TMTC2: variants seen among roughly 807,000 people sequenced by gnomAD.
TMTC2 encodes the protein protein O-mannosyl-transferase TMTC2.
A neutral mutation model predicts 82.4 loss-of-function variants in TMTC2; 43 were observed. The ratio of observed to expected loss-of-function variants is 0.52; its 90% CI spans 0.41 to 0.67. TMTC2 has a LOEUF of 0.67. Among genes scored for constraint, TMTC2 ranks in the 30% least tolerant of loss-of-function variants. The probability of loss-of-function intolerance (pLI) is 0.00; values close to 1 mark genes in which losing one functional copy is unlikely to be tolerated. For missense variants in TMTC2, 919 were observed against 1,012.4 expected (o/e 0.91, Z 1.25); for synonymous variants, 408 against 381.9 (o/e 1.07, Z -0.80).
At chr12:82,704,495 G>A (rs1296852144) in intron 1 of TMTC2, among the ~76,000 whole-genome samples, 1 of 152,082 alleles carries the variant, frequency 6.6e-6, no homozygotes, top group Admixed American at 6.5e-5. Context: ...ATGTCTGTAA[G>A]CTATTTGTGT....
intron 11 of TMTC2, among the ~76,000 whole-genome samples, chr12:83,109,947 A>G (rs1251087871): frequency 6.6e-6 from 1 of 152,214 alleles, no homozygotes; most frequent in Non-Finnish European, 1.5e-5. Context: ...AAGATGGGTG[A>G]CAATTGTACT....
intron 4 of TMTC2, among the ~76,000 whole-genome samples, chr12:82,932,998 T>C (rs1387954840): frequency 6.6e-6 from 1 of 152,190 alleles, no homozygotes; most frequent in African/African-American, 2.4e-5. Context: ...GAATTGACCT[T>C]CCCAATTCCT....
At chr12:82,691,429 T>C (rs1418308259) in intron 1 of TMTC2, among the ~76,000 whole-genome samples, 2 of 152,130 alleles carry the variant, frequency 1.3e-5, no homozygotes, top group Middle Eastern at 3.2e-3. Context: ...AGCTTTTCAT[T>C]TGGGTATAAA....
intron 1 of TMTC2, among the ~76,000 whole-genome samples, chr12:82,739,734 G>C (rs974863479): frequency 7.3e-5 from 11 of 149,930 alleles, no homozygotes; most frequent in Non-Finnish European, 1.5e-4. Flanking sequence ...AGGAATAGCT[G>C]GGTTGTAATT....
intron 2 of TMTC2, among the ~76,000 whole-genome samples, chr12:82,867,866 G>C (rs999875625): frequency 1.3e-5 from 2 of 152,120 alleles, no homozygotes; most frequent in African/African-American, 2.4e-5. Flanking sequence ...ATTGTGAAAA[G>C]AACTGCTGTT....
intron 7 of TMTC2, among the ~76,000 whole-genome samples, chr12:82,969,399 A>G (rs976055972): frequency 2.6e-5 from 4 of 152,004 alleles, no homozygotes; most frequent in African/African-American, 9.7e-5. Flanking sequence ...CAAGCATTAT[A>G]TTTTTTCCCA....
chr12:82,930,380 T>C lies in TMTC2; in HGVS notation c.1484-51T>C, dbSNP rs138913868. On this transcript the variant is annotated intron_variant, in intron 3 of 11. Transcript: ENST00000321196. ...TTCCTGATGGCCTGATATTATGTCA[T>C]GTATAATTGGATTGATGCTCAGTCT... 372 of 1,040,738 alleles carry C rather than the reference T, an allele frequency of 3.6e-4. 1 individual carries two copies. In the African/African-American group the frequency reaches 5.4e-3, roughly 15 times the overall value. The allele number at this position is 1,040,738 out of a possible 1,614,324, so 64.5% of individuals were successfully genotyped here.
intron 1 of TMTC2, among the ~76,000 whole-genome samples, chr12:82,721,112 G>A (rs962444238): frequency 3.3e-5 from 5 of 152,202 alleles, no homozygotes; most frequent in Non-Finnish European, 7.3e-5. Flanking sequence ...TTTTGTAAAT[G>A]AAGTTAATTT....
In TMTC2 at chr12:83,133,264, G is replaced by A. The variant is rs1885322961; in HGVS notation, c.*875G>A. 1 of 152,204 alleles carries A rather than the reference G, an allele frequency of 6.6e-6. No individual in the cohort carries two copies. 9.4% of individuals were successfully genotyped at this position (152,204 alleles called of 1,614,324 possible). On this transcript the variant is annotated 3_prime_UTR_variant, in exon 12 of 12. Coordinates refer to ENST00000321196, the MANE Select transcript of TMTC2 (RefSeq NM_152588.3). ...GCTTACATAAGGATAAAGGACAGGG[G>A]AGGAGTTTGTAAGCCTTGCAGTTCC... is the stretch of plus-strand genomic sequence containing the variant.
chr12:82,825,432 G>A (rs577945877), intron 1 of TMTC2, among the ~76,000 whole-genome samples: 8 of 152,296 alleles, frequency 5.3e-5, no homozygotes, highest in African/African-American at 1.9e-4. Flanking sequence ...ACAGGGCCAA[G>A]AGACACAGGG....
At chr12:82,862,103 A>G (rs1032734756) in intron 2 of TMTC2, among the ~76,000 whole-genome samples, 2 of 152,178 alleles carry the variant, frequency 1.3e-5, no homozygotes, top group Non-Finnish European at 2.9e-5. Flanking sequence ...TTGTTTTAGC[A>G]TTACTTAGAT....
intron 8 of TMTC2, among the ~76,000 whole-genome samples, chr12:82,999,345 C>G (rs985153137): frequency 6.6e-6 from 1 of 152,124 alleles, no homozygotes; most frequent in African/African-American, 2.4e-5. Context: ...AATTATCATC[C>G]TCATGATATC....
At chr12:82,883,449 T>C (rs1166098531) in intron 2 of TMTC2, among the ~76,000 whole-genome samples, 1 of 152,162 alleles carries the variant, frequency 6.6e-6, no homozygotes, top group African/African-American at 2.4e-5. Flanking sequence ...ATAGAAAAAC[T>C]CCCACACTCA....
intron 1 of TMTC2, among the ~76,000 whole-genome samples, chr12:82,832,723 C>T (rs925716343): frequency 1.3e-5 from 2 of 152,138 alleles, no homozygotes; most frequent in African/African-American, 4.8e-5. Context: ...TTCAAAGCAG[C>T]TTTTGAATTT....
intron 1 of TMTC2, among the ~76,000 whole-genome samples, chr12:82,749,739 C>T (rs111433925): frequency 8.7e-5 from 11 of 127,142 alleles, no homozygotes; most frequent in East Asian, 2.2e-4. Flanking sequence ...TTCTTTCTTT[C>T]TTTTTTTTTT....
intron 8 of TMTC2, among the ~76,000 whole-genome samples, chr12:83,009,126 G>T (rs544037145): frequency 4.6e-5 from 7 of 152,288 alleles, no homozygotes; most frequent in African/African-American, 9.6e-5. Context: ...ATTGAGAGGA[G>T]TGTCTTTACC....
At chr12:82,778,926 A>G (rs1227937076) in intron 1 of TMTC2, among the ~76,000 whole-genome samples, 1 of 149,264 alleles carries the variant, frequency 6.7e-6, no homozygotes, top group Non-Finnish European at 1.5e-5. Flanking sequence ...AGTCCCAGCT[A>G]CTTGGGAGGC....
intron 1 of TMTC2, among the ~76,000 whole-genome samples, chr12:82,780,965 G>A (rs944823993): frequency 6.6e-6 from 1 of 151,980 alleles, no homozygotes; most frequent in Non-Finnish European, 1.5e-5. Flanking sequence ...CTGGAATAAT[G>A]AATGTTAGCT....
At chr12:82,743,100 A>G (rs1362543471) in intron 1 of TMTC2, among the ~76,000 whole-genome samples, 1 of 152,232 alleles carries the variant, frequency 6.6e-6, no homozygotes, top group Non-Finnish European at 1.5e-5. Flanking sequence ...ACCTTTTGGT[A>G]AATGAGGATA....
Sources: allele counts gnomAD v4.1 joint callset (sites outside exome capture counted in the v4.1 genomes callset), GRCh38; gene constraint gnomAD v4.1.1; transcripts MANE v1.5; gene names NCBI Gene and HGNC (gene_info 2026-07-23, HGNC 2026-07-21).